The following RNF168 variants were observed in gnomAD, a reference collection of about 807,000 sequenced individuals.
The protein encoded by RNF168 is E3 ubiquitin-protein ligase RNF168.
RNF168 carries 34 observed loss-of-function variants against 34.9 expected under a neutral mutation model. The ratio of observed to expected loss-of-function variants is 0.97; its 90% CI spans 0.74 to 1.30. The LOEUF (loss-of-function observed/expected upper bound fraction) is 1.30. Ranked by LOEUF, RNF168 falls within the 50% of genes most tolerant of loss-of-function variation. The pLI is 0.00. For synonymous variants in RNF168, 264 were observed against 254.7 expected (o/e 1.04, Z -0.35); for missense variants, 725 against 682.5 (o/e 1.06, Z -0.69).
At position 196,483,690 on chromosome 3, in the gene RNF168, A is replaced by T. The variant is rs993114503; in HGVS notation, c.680+80T>A. ...AAAGTTCACGGACCAAACTTTGAGA[A>T]TCAGTAGTAGTCTATATGAACAGAA... On this transcript the variant is annotated intron_variant, in intron 4 of 5. Coordinates refer to ENST00000318037, the MANE Select transcript of RNF168 (RefSeq NM_152617.4). 6 of 1,215,432 alleles carry T rather than the reference A, an allele frequency of 4.9e-6. No individual in the cohort carries two copies. The African/African-American group carries it at 7.5e-5, about 15-fold the overall frequency. 75.3% of individuals were successfully genotyped at this position (1,215,432 alleles called of 1,614,324 possible). A position where few individuals can be genotyped will look rare whatever the true frequency, so the allele number is the denominator to read the frequency against.
At chr3:196,497,714 A>G (rs992603955) in intron 1 of RNF168, among the ~76,000 whole-genome samples, 16 of 152,336 alleles carry the variant, frequency 1.1e-4, no homozygotes, top group African/African-American at 3.4e-4. Context: ...AAAAATAGCA[A>G]TATCTTAGCC....
chr3:196,503,248 G>A lies in RNF168; in HGVS notation c.-75C>T, dbSNP rs1302574740. 2.3e-6 allele frequency: 3 copies of A among 1,323,822 alleles called. No individual in the cohort carries two copies. Among genetic ancestry groups the A allele is most frequent in the Non-Finnish European group, 1.1e-6 (1 of 924,000 alleles). 82.0% of individuals were successfully genotyped at this position (1,323,822 alleles called of 1,614,324 possible). On this transcript the variant is annotated 5_prime_UTR_variant, in exon 1 of 6. Transcript: ENST00000318037. Reference sequence around the variant, plus strand: ...AATCCTATTTTCGGCCAACCACAGAGAGAGCAAAAGCAGTTTTGTGTTTCA... The same window carrying A: ...AATCCTATTTTCGGCCAACCACAGAAAGAGCAAAAGCAGTTTTGTGTTTCA...
At chr3:196,482,362 G>C (rs1469340704) in intron 4 of RNF168, among the ~76,000 whole-genome samples, 2 of 151,952 alleles carry the variant, frequency 1.3e-5, no homozygotes, top group African/African-American at 4.8e-5. Flanking sequence ...ATGGACATTT[G>C]GGTTGTTTCT....
chr3:196,485,318 G>A (rs968535421), intron 3 of RNF168, among the ~76,000 whole-genome samples: 2 of 151,962 alleles, frequency 1.3e-5, no homozygotes, highest in African/African-American at 2.4e-5. Context: ...GACCAGCCTG[G>A]CCAACATGGT....
chr3:196,475,473 G>A lies in RNF168; in HGVS notation c.681-161C>T, dbSNP rs1732123000. On this transcript the variant is annotated intron_variant, in intron 4 of 5. Coordinates refer to ENST00000318037, the MANE Select transcript of RNF168 (RefSeq NM_152617.4). Reference sequence around the variant, plus strand: ...CTTCAGATATTTTGGTCAATTCCAGGACAAAACTTAAATGATTGAGTATTG... The same window carrying A: ...CTTCAGATATTTTGGTCAATTCCAGAACAAAACTTAAATGATTGAGTATTG... 9.4e-6 allele frequency: 6 copies of A among 636,978 alleles called. No homozygotes were observed. In the East Asian group the frequency reaches 1.1e-4, roughly 12 times the overall value. The allele number at this position is 636,978 out of a possible 1,614,324, so 39.5% of individuals were successfully genotyped here. A position where few individuals can be genotyped will look rare whatever the true frequency, so the allele number is the denominator to read the frequency against.
rs58900283 is a variant in RNF168, at chr3:196,471,023, C to CA, written c.*795dup. 0.71 allele frequency: 93,677 copies of CA among 132,204 alleles called. 33,555 individuals are homozygous for CA. Among genetic ancestry groups the CA allele is most frequent in the Middle Eastern group, 0.85 (232 of 272 alleles). The allele number at this position is 132,204 out of a possible 1,614,324, so 8.2% of individuals were successfully genotyped here. A position where few individuals can be genotyped will look rare whatever the true frequency, so the allele number is the denominator to read the frequency against. ...TGAAATCCCATCTCTACTAAAAGTA[C>CA]AAAAAAAAAAAAAAATTAGCTGGGT... On this transcript the variant is annotated 3_prime_UTR_variant, in exon 6 of 6. Coordinates refer to ENST00000318037, the MANE Select transcript of RNF168 (RefSeq NM_152617.4).
At chr3:196,495,005 T>C (rs1732703956) in intron 1 of RNF168, among the ~76,000 whole-genome samples, 1 of 152,166 alleles carries the variant, frequency 6.6e-6, no homozygotes, top group Non-Finnish European at 1.5e-5. Flanking sequence ...CCTGGGCGAC[T>C]AAGTGAGACC....
intron 1 of RNF168, among the ~76,000 whole-genome samples, chr3:196,495,119 A>G (rs1479056445): frequency 1.3e-5 from 2 of 152,100 alleles, no homozygotes; most frequent in South Asian, 2.1e-4. Context: ...AGTATGATAA[A>G]CCCCCGTTTA....
At chr3:196,495,823 C>T (rs1397865612) in intron 1 of RNF168, among the ~76,000 whole-genome samples, 1 of 152,176 alleles carries the variant, frequency 6.6e-6, no homozygotes, top group Non-Finnish European at 1.5e-5. Context: ...TTTACAGTGA[C>T]AGTCGCAAAC....
At chr3:196,477,217 T>C (rs1732171886) in intron 4 of RNF168, among the ~76,000 whole-genome samples, 1 of 152,258 alleles carries the variant, frequency 6.6e-6, no homozygotes, top group Non-Finnish European at 1.5e-5. Context: ...TGCATATAAC[T>C]ATGTTTACAA....
At chr3:196,475,868 T>TC (rs1226477898) in intron 4 of RNF168, among the ~76,000 whole-genome samples, 1 of 148,948 alleles carries the variant, frequency 6.7e-6, no homozygotes, top group Non-Finnish European at 1.5e-5. Context: ...TTTTTTCTTT[T>TC]CTTTTTTTTG....
chr3:196,493,435 G>A (rs1732643487), intron 1 of RNF168, among the ~76,000 whole-genome samples: 1 of 152,140 alleles, frequency 6.6e-6, no homozygotes, highest in South Asian at 2.1e-4. Flanking sequence ...GCTCACTGCA[G>A]CCTCCAACCC....
At chr3:196,484,125 A>G (rs2108648834) in intron 3 of RNF168, among the ~76,000 whole-genome samples, 1 of 151,896 alleles carries the variant, frequency 6.6e-6, no homozygotes, top group East Asian at 1.9e-4. Flanking sequence ...AAAATAAGGC[A>G]TAATACTAAC....
At chr3:196,475,117 A>G (rs571809749) in intron 5 of RNF168, 114 bp downstream of exon 5, 24 of 710,018 alleles carry the variant, frequency 3.4e-5, no homozygotes, top group Admixed American at 8.3e-5. Context: ...GGACTCAGAC[A>G]GGGTGTTTGA....
Position 196,472,642 on chromosome 3 carries a change from A to G in RNF168, c.893T>C (p.Met298Thr), listed in dbSNP as rs777720877. Residue 298 changes from methionine to threonine, a missense_variant, in exon 6 of 6, where the codon ATG becomes ACG. Coordinates refer to ENST00000318037, the MANE Select transcript of RNF168 (RefSeq NM_152617.4). ...GGCACCACAGGCACATAACCATGGC[A>G]TAGGGGACTCTATTGAAGAATCTGC... ...QGADSSIESP[M>T]PWLCACGAEW... 1 of 1,612,294 alleles carries G rather than the reference A, an allele frequency of 6.2e-7. No homozygotes were observed. Among genetic ancestry groups the G allele is most frequent in the Middle Eastern group, 1.7e-4 (1 of 6,056 alleles).
chr3:196,484,687 T>C (rs1405335489), intron 3 of RNF168, among the ~76,000 whole-genome samples: 2 of 152,018 alleles, frequency 1.3e-5, no homozygotes, highest in East Asian at 3.9e-4. Flanking sequence ...AGAGTCTTGC[T>C]CTGTCATCCA....
At chr3:196,475,436 C>A in intron 4 of RNF168, 124 bp from the exon 5 acceptor site, 1 of 697,854 alleles carries the variant, frequency 1.4e-6, no homozygotes, top group South Asian at 1.5e-5. Flanking sequence ...CAGAGTGTAT[C>A]TCATTTCCGT....
chr3:196,487,113 ATTTTAC>A (rs1404543994), intron 3 of RNF168, among the ~76,000 whole-genome samples: 1 of 152,262 alleles, frequency 6.6e-6, no homozygotes, highest in Non-Finnish European at 1.5e-5. Flanking sequence ...ATGCAAAACA[ATTTTAC>A]TTTAAGTAAA....
intron 1 of RNF168, among the ~76,000 whole-genome samples, chr3:196,489,926 A>G (rs1456881333): frequency 6.6e-6 from 1 of 152,228 alleles, no homozygotes; most frequent in Non-Finnish European, 1.5e-5. Flanking sequence ...CTTTAAAGAA[A>G]CAGATCTAGA....
Sources: gnomAD v4.1 joint callset for allele counts (sites outside exome capture counted in the v4.1 genomes callset) on GRCh38, gnomAD v4.1.1 for gene constraint, MANE v1.5 for transcripts, NCBI Gene and HGNC (gene_info 2026-07-23, HGNC 2026-07-21) for gene names.